DICER1: variants seen among roughly 807,000 people sequenced by gnomAD.
DICER1 encodes dicer 1, ribonuclease III.
DICER1 carries 43 observed loss-of-function variants against 194.1 expected under a neutral mutation model. The observed-to-expected ratio is 0.22, with a 90% confidence interval of 0.17 to 0.29. DICER1 has a LOEUF of 0.29. Among genes scored for constraint, DICER1 ranks in the 10% least tolerant of loss-of-function variants. The pLI is 1.00. For missense variants in DICER1, 1,608 were observed against 2,317.0 expected, an observed-to-expected ratio of 0.69 and a Z score of 6.28; for synonymous variants, 832 against 820.5, an observed-to-expected ratio of 1.01 and a Z score of -0.24.
chr14:95,139,639 T>C (rs549262249), intron 1 of DICER1, among the ~76,000 whole-genome samples: 31 of 152,316 alleles, frequency 2.0e-4, no homozygotes, highest in African/African-American at 7.0e-4. Context: ...AAGTAAATAT[T>C]TGACAAACTG....
chr14:95,133,369 C>A lies in DICER1; in HGVS notation c.90G>T (p.Leu30=), dbSNP rs760745946. 1 of 1,614,096 alleles carries A rather than the reference C, an allele frequency of 6.2e-7. No individual in the cohort carries two copies. The highest frequency in any genetic ancestry group is 8.5e-7 in the Non-Finnish European group (1 of 1,179,998). ...ASSPMGPFFG[L]PWQQEAIHDN... is the part of the protein sequence containing the mutation. ...CATGAATTGCTTCTTGTTGCCATGG[C>A]AGTCCAAAGAAAGGACCCATTGGTG... The change falls in exon 2 of 27, where the codon CTG becomes CTT. Residue 30 remains leucine (L), a synonymous_variant. Coordinates refer to ENST00000343455, the MANE Select transcript of DICER1 (RefSeq NM_177438.3).
In DICER1 at chr14:95,108,359, A is replaced by T; in HGVS notation, c.2401T>A (p.Cys801Ser). The T allele has an allele frequency of 6.2e-7, 1 of 1,613,956 alleles. No homozygotes were observed. Among genetic ancestry groups the T allele is most frequent in the Non-Finnish European group, 8.5e-7 (1 of 1,180,010 alleles). The change falls in exon 15 of 27, where the codon TGC (cysteine) becomes AGC (serine). Residue 801 changes from cysteine to serine, a missense_variant. By Grantham distance (112) the Cys-to-Ser change is moderately radical (BLOSUM62 -1). This residue lies in a region of DICER1 where 150 missense variants were observed against 216.0 expected (regional missense o/e 0.69). Coordinates refer to ENST00000343455, the MANE Select transcript of DICER1 (RefSeq NM_177438.3). ...KLYPPEDTTR[C>S]FGILTAKPIP... ...GGTTTGGCCGTCAGTATTCCAAAGCATCTTGTGGTATCTTCAGGAGGATAG... is the reference window on the plus strand; with the variant it reads ...GGTTTGGCCGTCAGTATTCCAAAGCTTCTTGTGGTATCTTCAGGAGGATAG...
At chr14:95,131,468 T>C (rs765654080) in intron 4 of DICER1, 41 bp downstream of exon 4, 1 of 1,594,212 alleles carries the variant, frequency 6.3e-7, no homozygotes, top group Admixed American at 1.7e-5. Context: ...AGTCAAGAAC[T>C]TGTAGGGATT....
intron 8 of DICER1, among the ~76,000 whole-genome samples, chr14:95,118,375 C>T (rs949585001): frequency 1.3e-5 from 2 of 152,164 alleles, no homozygotes; most frequent in Admixed American, 1.3e-4. Context: ...AATGTTGTAT[C>T]CTCTCAATCC....
Position 95,086,426 on chromosome 14 carries a change from C to T in DICER1, c.*4072G>A, listed in dbSNP as rs1020335230. 5 of 233,236 alleles carry T rather than the reference C, an allele frequency of 2.1e-5. No individual in the cohort carries two copies. The allele number at this position is 233,236 out of a possible 1,614,324, so 14.4% of individuals were successfully genotyped here. On this transcript the variant is annotated 3_prime_UTR_variant, in exon 27 of 27. Coordinates refer to ENST00000343455, the MANE Select transcript of DICER1 (RefSeq NM_177438.3). ...ATTTTATTGTCAATCAAATAATATGCATTAGTTTTACTTGATTTTAGTAAT... is the reference window on the plus strand; with the variant it reads ...ATTTTATTGTCAATCAAATAATATGTATTAGTTTTACTTGATTTTAGTAAT...
In DICER1 at chr14:95,116,550, C is replaced by CT; in HGVS notation, c.1654dup (p.Arg552LysfsTer8). ...ATAATTAGAGATGGGTGCCCTTGCT[C>CT]TTCCTTTAGATTGAACATAGGATCG... On this transcript the variant is annotated frameshift_variant, in exon 10 of 27. Coordinates refer to ENST00000343455, the MANE Select transcript of DICER1 (RefSeq NM_177438.3). LOFTEE classifies it high-confidence loss of function. 1 of 1,614,054 alleles carries CT rather than the reference C, an allele frequency of 6.2e-7. No homozygotes were observed. Among genetic ancestry groups the CT allele is most frequent in the Non-Finnish European group, 8.5e-7 (1 of 1,179,982 alleles).
At chr14:95,130,555 G>C (rs1893867298) in intron 4 of DICER1, among the ~76,000 whole-genome samples, 1 of 152,100 alleles carries the variant, frequency 6.6e-6, no homozygotes, top group South Asian at 2.1e-4. Context: ...AACTGACATG[G>C]TTTTCTGGAA....
chr14:95,090,454 AT>A lies in DICER1; in HGVS notation c.*43del, dbSNP rs748693590. 16 of 1,601,092 alleles carry A rather than the reference AT, an allele frequency of 1.0e-5. No homozygotes were observed. The highest frequency in any genetic ancestry group is 2.2e-5 in the South Asian group (2 of 90,734). On this transcript the variant is annotated 3_prime_UTR_variant, in exon 27 of 27. Coordinates refer to ENST00000343455, the MANE Select transcript of DICER1 (RefSeq NM_177438.3). ...TCCGATTTAAATAATTTTCCCCTTA[AT>A]TTTTTTTGTTTTGTTTCTTGTTTTG... is the stretch of plus-strand genomic sequence containing the variant.
Position 95,124,159 on chromosome 14 carries a change from C to A in DICER1, c.1376+37G>T, listed in dbSNP as rs1240975920. 6.7e-7 allele frequency: 1 copy of A among 1,494,958 alleles called. No homozygotes were observed. The highest frequency in any genetic ancestry group is 9.3e-7 in the Non-Finnish European group (1 of 1,075,174). 92.6% of individuals were successfully genotyped at this position (1,494,958 alleles called of 1,614,324 possible). ...TCACATCACAACACAGGACGCCTCCCTGTTCTCATGTGAAAGGAGTCAACT... is the reference window on the plus strand; with the variant it reads ...TCACATCACAACACAGGACGCCTCCATGTTCTCATGTGAAAGGAGTCAACT... On this transcript the variant is annotated intron_variant, in intron 8 of 26. Coordinates refer to ENST00000343455, the MANE Select transcript of DICER1 (RefSeq NM_177438.3). The surrounding 1 kb of genome is among the most constrained non-coding windows in gnomAD (Gnocchi z 4.5).
At chr14:95,126,351 T>C (rs912641529) in intron 7 of DICER1, among the ~76,000 whole-genome samples, 3 of 152,188 alleles carry the variant, frequency 2.0e-5, no homozygotes, top group Non-Finnish European at 4.4e-5. Context: ...ATGACATGAA[T>C]CCTAGCTCAG....
intron 6 of DICER1, among the ~76,000 whole-genome samples, chr14:95,127,964 T>C (rs1893624005): frequency 1.3e-5 from 2 of 152,254 alleles, no homozygotes; most frequent in Non-Finnish European, 2.9e-5. Context: ...ACTGGGAGTT[T>C]TATCATTCAA....
Position 95,124,373 on chromosome 14 carries a change from C to CGTA in DICER1, c.1198_1199insTAC (p.Trp400delinsLeuArg). 6.2e-7 allele frequency: 1 copy of CGTA among 1,614,074 alleles called. No individual in the cohort carries two copies. The highest frequency in any genetic ancestry group is 8.5e-7 in the Non-Finnish European group (1 of 1,179,988). On this transcript the variant is annotated protein_altering_variant, in exon 8 of 27. Transcript: ENST00000343455. This position sits in a 1 kb window ranked among gnomAD's most constrained non-coding sequence, Gnocchi z 4.5. Reference sequence around the variant, plus strand: ...ATTATCCTGATTTCTATTATTATACCACTCAACGCTTTCAAACTGCTGTCG... The same window carrying CGTA: ...ATTATCCTGATTTCTATTATTATACCGTAACTCAACGCTTTCAAACTGCTGTCG...
intron 8 of DICER1, among the ~76,000 whole-genome samples, chr14:95,120,554 A>G (rs907781743): frequency 4.6e-5 from 7 of 152,234 alleles, no homozygotes; most frequent in African/African-American, 1.7e-4. Flanking sequence ...AGGGAGAAAT[A>G]CAAGAGCCCA....
At chr14:95,116,747 G>C (rs2140128267) in intron 9 of DICER1, 52 bp from the exon 10 acceptor site, 1 of 1,571,582 alleles carries the variant, frequency 6.4e-7, no homozygotes, top group Non-Finnish European at 8.7e-7. Flanking sequence ...TTTCTAAAAT[G>C]AACAAAAAAA....
chr14:95,086,731 A>C lies in DICER1; in HGVS notation c.*3767T>G, dbSNP rs1449272028. 8.6e-6 allele frequency: 2 copies of C among 232,978 alleles called. No individual in the cohort carries two copies. Among genetic ancestry groups the C allele is most frequent in the Non-Finnish European group, 1.7e-5 (2 of 117,846 alleles). The allele number at this position is 232,978 out of a possible 1,614,324, so 14.4% of individuals were successfully genotyped here. On this transcript the variant is annotated 3_prime_UTR_variant, in exon 27 of 27. Transcript: ENST00000343455. ...TGCTATTGGCGTCTCCAACAACTTT[A>C]AAAATCATTTTAATAGTCTTGGTCT...
In DICER1 at chr14:95,116,536, T is replaced by C. The variant is rs139198222; in HGVS notation, c.1669A>G (p.Ile557Val). Reference sequence around the variant, plus strand: ...TCCGCTAACATTATATAATTAGAGATGGGTGCCCTTGCTCTTCCTTTAGAT... The same window carrying C: ...TCCGCTAACATTATATAATTAGAGACGGGTGCCCTTGCTCTTCCTTTAGAT... ...VQSKGRARAP[I>V]SNYIMLADTD... is the part of the protein sequence containing the mutation. Residue 557 changes from isoleucine (I) to valine (V), a missense_variant, in exon 10 of 27, where the codon ATC (isoleucine) becomes GTC (valine). Physicochemically the swap from Ile to Val is conservative, Grantham distance 29. Around this residue, in one of 10 missense-constraint regions of DICER1, gnomAD observed 657 missense variants for 910.1 expected, o/e 0.72. Coordinates refer to ENST00000343455, the MANE Select transcript of DICER1 (RefSeq NM_177438.3). 1.2e-6 allele frequency: 2 copies of C among 1,613,890 alleles called. No individual in the cohort carries two copies. Among genetic ancestry groups the C allele is most frequent in the African/African-American group, 1.3e-5 (1 of 74,912 alleles).
chr14:95,088,131 A>G lies in DICER1; in HGVS notation c.*2367T>C, dbSNP rs1236346595. The G allele has an allele frequency of 4.3e-6, 1 of 232,856 alleles. No individual in the cohort carries two copies. The highest frequency in any genetic ancestry group is 2.2e-5 in the African/African-American group (1 of 45,308). The allele number at this position is 232,856 out of a possible 1,614,324, so 14.4% of individuals were successfully genotyped here. A position where few individuals can be genotyped will look rare whatever the true frequency, so the allele number is the denominator to read the frequency against. On this transcript the variant is annotated 3_prime_UTR_variant, in exon 27 of 27. Coordinates refer to ENST00000343455, the MANE Select transcript of DICER1 (RefSeq NM_177438.3). ...TTAAAATCTACTATTTTTCTCCAAC[A>G]AAAAGTGAAACGGCTGAAGTTTGCT...
rs1254602112 is a variant in DICER1, at chr14:95,133,536, T to C, written c.-45-33A>G. 8 of 1,455,714 alleles carry C rather than the reference T, an allele frequency of 5.5e-6. No homozygotes were observed. The Admixed American group carries it at 1.4e-4, about 25-fold the overall frequency. The allele number at this position is 1,455,714 out of a possible 1,614,324, so 90.2% of individuals were successfully genotyped here. On this transcript the variant is annotated intron_variant, in intron 1 of 26. Transcript: ENST00000343455. ...AGGGAAAAAGAATACCATTACACAATCATGCAGGGTTAAAAACAAAGAAAG... is the reference window on the plus strand; with the variant it reads ...AGGGAAAAAGAATACCATTACACAACCATGCAGGGTTAAAAACAAAGAAAG...
At position 95,089,718 on chromosome 14, in the gene DICER1, G is replaced by A. The variant is rs939441711; in HGVS notation, c.*780C>T. 3.4e-5 allele frequency: 8 copies of A among 231,980 alleles called. No homozygotes were observed. The highest frequency in any genetic ancestry group is 1.8e-4 in the African/African-American group (8 of 45,254). 14.4% of individuals were successfully genotyped at this position (231,980 alleles called of 1,614,324 possible). On this transcript the variant is annotated 3_prime_UTR_variant, in exon 27 of 27. Coordinates refer to ENST00000343455, the MANE Select transcript of DICER1 (RefSeq NM_177438.3). ...TGTAATAAGTTACAACTATACTAGTGAGTTGTAAGTATCACGCTGTCTCAA... is the reference window on the plus strand; with the variant it reads ...TGTAATAAGTTACAACTATACTAGTAAGTTGTAAGTATCACGCTGTCTCAA...
Sources: allele counts gnomAD v4.1 joint callset (sites outside exome capture counted in the v4.1 genomes callset), GRCh38; gene constraint gnomAD v4.1.1; regional missense constraint gnomAD v4.1.1; non-coding constraint Gnocchi (gnomAD v3.1); transcripts MANE v1.5; gene names NCBI Gene and HGNC (gene_info 2026-07-23, HGNC 2026-07-21).